Variants in ROBO2 observed in about 807,000 individuals in gnomAD.
ROBO2 encodes roundabout homolog 2.
ROBO2 carries 53 observed loss-of-function variants against 160.8 expected under a neutral mutation model. That is an observed-to-expected ratio of 0.33 (90% CI 0.26 to 0.41). The LOEUF is 0.41. Ranked by LOEUF, ROBO2 falls within the 10% of genes least tolerant of loss-of-function variation. ROBO2 has a pLI of 1.00. For synonymous variants in ROBO2, 664 were observed against 611.7 expected, an observed-to-expected ratio of 1.09 and a Z score of -1.26; for missense variants, 1,577 against 1,722.4, an observed-to-expected ratio of 0.92 and a Z score of 1.49.
chr3:77,568,125 A>G (rs1452146767), intron 12 of ROBO2, among the ~76,000 whole-genome samples, 188 bp from the exon 14 acceptor site: 3 of 152,026 alleles, frequency 2.0e-5, no homozygotes, highest in African/African-American at 7.2e-5. Context: ...GATCAATATC[A>G]TCTTTCATTA....
At chr3:77,465,660 G>A (rs756054431) in intron 2 of ROBO2, among the ~76,000 whole-genome samples, 3 of 152,126 alleles carry the variant, frequency 2.0e-5, no homozygotes, top group Non-Finnish European at 4.4e-5. Flanking sequence ...TTTGATTAAA[G>A]CATCCATGAG....
chr3:76,842,314 A>T (rs959132655), intron 2 of ROBO2, among the ~76,000 whole-genome samples: 2 of 152,294 alleles, frequency 1.3e-5, no homozygotes, highest in South Asian at 2.1e-4. Context: ...TGAGCCAGGC[A>T]CTGTGCTGAC....
intron 1 of ROBO2, among the ~76,000 whole-genome samples, chr3:75,926,868 T>G (rs1947313563): frequency 1.3e-5 from 2 of 152,332 alleles, no homozygotes; most frequent in Middle Eastern, 3.4e-3. Flanking sequence ...TTGGCAGATA[T>G]CATATACACA....
chr3:75,986,411 A>G (rs2065416045), intron 2 of ROBO2, among the ~76,000 whole-genome samples: 1 of 151,084 alleles, frequency 6.6e-6, no homozygotes, highest in Non-Finnish European at 1.5e-5. Flanking sequence ...TATTTTGTTG[A>G]TGAGTTTTAA....
At chr3:76,766,588 G>T (rs2061587317) in intron 2 of ROBO2, among the ~76,000 whole-genome samples, 1 of 151,638 alleles carries the variant, frequency 6.6e-6, no homozygotes, top group Non-Finnish European at 1.5e-5. Flanking sequence ...TTTATAATGA[G>T]AAACGTAATG....
intron 2 of ROBO2, among the ~76,000 whole-genome samples, chr3:76,732,176 G>A (rs2093647546): frequency 6.6e-6 from 1 of 152,100 alleles, no homozygotes; most frequent in African/African-American, 2.4e-5. Context: ...ATTATTTTTG[G>A]AGTATGTGTA....
At chr3:77,562,519 C>T in intron 9 of ROBO2, 132 bp from the exon 11 acceptor site, 3 of 650,400 alleles carry the variant, frequency 4.6e-6, no homozygotes, top group Non-Finnish European at 8.5e-6. Context: ...ATATGATTGA[C>T]TCTAATGCAT....
chr3:76,122,425 GGA>G (rs1040361985), intron 2 of ROBO2, among the ~76,000 whole-genome samples: 1 of 152,054 alleles, frequency 6.6e-6, no homozygotes, highest in Non-Finnish European at 1.5e-5. Context: ...TGTGACTCAA[GGA>G]GAGAGATTTC....
Position 77,447,116 on chromosome 3 carries a change from G to A in ROBO2, c.389-30298G>A, listed in dbSNP as rs114834366. On this transcript the variant is annotated intron_variant, in intron 2 of 25. Coordinates refer to ENST00000461745, the Ensembl canonical transcript of ROBO2. ...AAAACCTACTTATAACCCATTGCTA[G>A]CTGAGGGAAGTTTTCTCAAGTATAT... Among the ~76,000 whole-genome samples the A allele has an allele frequency of 2.4e-3, 364 of 152,218 alleles. 1 individual carries two copies. Among genetic ancestry groups the A allele is most frequent in the African/African-American group, 8.4e-3 (350 of 41,558 alleles).
chr3:77,260,200 C>T (rs2058687693), intron 2 of ROBO2, among the ~76,000 whole-genome samples: 1 of 152,066 alleles, frequency 6.6e-6, no homozygotes, highest in African/African-American at 2.4e-5. Context: ...GGGTTCTCAG[C>T]AGCCCATTTG....
At chr3:76,530,571 A>G (rs946683633) in intron 2 of ROBO2, among the ~76,000 whole-genome samples, 3 of 152,148 alleles carry the variant, frequency 2.0e-5, no homozygotes, top group Admixed American at 2.0e-4. Flanking sequence ...TTGAACATCC[A>G]AAAACCCCGT....
intron 12 of ROBO2, 40 bp from the exon 14 acceptor site, chr3:77,568,273 A>T (rs1396716931): frequency 1.2e-6 from 2 of 1,609,222 alleles, no homozygotes; most frequent in Non-Finnish European, 1.7e-6. Flanking sequence ...TTTTAATATG[A>T]ATTTTTAAAG....
chr3:76,686,004 G>A (rs145757462), intron 2 of ROBO2, among the ~76,000 whole-genome samples: 8 of 152,192 alleles, frequency 5.3e-5, no homozygotes, highest in South Asian at 4.1e-4. Flanking sequence ...AAGCTAGAGC[G>A]ACGGTGAATC....
intron 2 of ROBO2, among the ~76,000 whole-genome samples, chr3:76,979,575 G>C (rs916210891): frequency 2.6e-5 from 4 of 151,642 alleles, no homozygotes; most frequent in African/African-American, 9.7e-5. Flanking sequence ...AATGGTATTG[G>C]GGTGTATGTG....
chr3:76,651,171 G>T (rs1310163871), intron 2 of ROBO2, among the ~76,000 whole-genome samples: 1 of 152,068 alleles, frequency 6.6e-6, no homozygotes, highest in African/African-American at 2.4e-5. Flanking sequence ...AAACCTCAGG[G>T]GTCTGTATCT....
chr3:76,738,218 T>C (rs2093746293), intron 2 of ROBO2, among the ~76,000 whole-genome samples: 1 of 152,200 alleles, frequency 6.6e-6, no homozygotes, highest in Non-Finnish European at 1.5e-5. Flanking sequence ...GCCACTTTTC[T>C]ACACATAATA....
chr3:77,456,795 C>T (rs947237764), intron 2 of ROBO2, among the ~76,000 whole-genome samples: 20 of 152,114 alleles, frequency 1.3e-4, no homozygotes, highest in Admixed American at 1.3e-3. Flanking sequence ...TCCACACTTA[C>T]TGAAAAAGGA....
intron 2 of ROBO2, among the ~76,000 whole-genome samples, chr3:76,328,904 GTTA>G (rs2073253371): frequency 1.2e-5 from 1 of 84,438 alleles, no homozygotes; most frequent in Non-Finnish European, 2.2e-5. Flanking sequence ...ATATATTTAT[GTTA>G]TTATATATAT....
intron 2 of ROBO2, among the ~76,000 whole-genome samples, chr3:76,125,789 A>G (rs146198882): frequency 3.3e-5 from 5 of 152,230 alleles, no homozygotes; most frequent in Middle Eastern, 3.4e-3. Context: ...TTTATCACAA[A>G]TAACAGTGTC....
Sources: allele counts gnomAD v4.1 joint callset (sites outside exome capture counted in the v4.1 genomes callset), GRCh38; gene constraint gnomAD v4.1.1; transcripts MANE v1.5; gene names NCBI Gene and HGNC (gene_info 2026-07-23, HGNC 2026-07-21).